Variants in BCL2 observed in about 807,000 individuals in gnomAD.
The protein encoded by BCL2 is BCL2 apoptosis regulator, also known as apoptosis regulator Bcl-2.
Under a neutral mutation model 14.2 loss-of-function variants are expected in BCL2, and 1 was observed. The observed-to-expected ratio is 0.07, with a 90% CI of 0.02 to 0.33. The LOEUF (loss-of-function observed/expected upper bound fraction) is 0.33, where lower values mean the gene tolerates loss of function less well. Ranked by LOEUF, BCL2 falls within the 10% of genes least tolerant of loss-of-function variation. The probability of loss-of-function intolerance (pLI) is 0.99; values close to 1 mark genes in which losing one functional copy is unlikely to be tolerated. For synonymous variants in BCL2, 151 were observed against 137.2 expected, an observed-to-expected ratio of 1.10 and a Z score of -0.70; for missense variants, 247 against 305.9, an observed-to-expected ratio of 0.81 and a Z score of 1.44.
At chr18:63,238,059 T>G (rs1332019690) in intron 2 of BCL2, among the ~76,000 whole-genome samples, 1 of 152,176 alleles carries the variant, frequency 6.6e-6, no homozygotes, top group Non-Finnish European at 1.5e-5. Flanking sequence ...GCAATCACTT[T>G]CTTATTCGGT....
chr18:63,266,835 G>A (rs1281924001), intron 2 of BCL2, among the ~76,000 whole-genome samples: 1 of 152,096 alleles, frequency 6.6e-6, no homozygotes, highest in African/African-American at 2.4e-5. Context: ...CTAAAGTTTG[G>A]AGAAGTAAAG....
chr18:63,139,482 T>C (rs1428909319), intron 2 of BCL2, among the ~76,000 whole-genome samples: 1 of 152,220 alleles, frequency 6.6e-6, no homozygotes, highest in Non-Finnish European at 1.5e-5. Flanking sequence ...CCCTGCCCTA[T>C]AGTAACTGCT....
At chr18:63,264,900 C>A (rs546636906) in intron 2 of BCL2, among the ~76,000 whole-genome samples, 2 of 114 alleles carry the variant, frequency 0.018, no homozygotes, top group African/African-American at 0.067. Flanking sequence ...CAAGTCCTCT[C>A]GGGATGAGGC....
intron 2 of BCL2, among the ~76,000 whole-genome samples, chr18:63,186,375 T>C (rs1390051580): frequency 6.6e-6 from 1 of 152,272 alleles, no homozygotes; most frequent in African/African-American, 2.4e-5. Context: ...AATCTATGGG[T>C]ATTACTGACT....
At chr18:63,250,650 T>C (rs1350360220) in intron 2 of BCL2, among the ~76,000 whole-genome samples, 2 of 152,270 alleles carry the variant, frequency 1.3e-5, no homozygotes, top group African/African-American at 4.8e-5. Context: ...CATCTTTCCA[T>C]ATTTGCATCT....
At chr18:63,232,031 G>A (rs1484663369) in intron 2 of BCL2, among the ~76,000 whole-genome samples, 9 of 151,914 alleles carry the variant, frequency 5.9e-5, no homozygotes, top group Admixed American at 5.2e-4. Context: ...TGGGAATTTG[G>A]TATGTGACAG....
intron 2 of BCL2, chr18:63,316,620 C>A (rs1913505056): frequency 6.6e-6 from 1 of 152,148 alleles, no homozygotes; most frequent in Non-Finnish European, 1.5e-5. Context: ...GTTAATCTTA[C>A]TTTTAAACAC....
intron 2 of BCL2, among the ~76,000 whole-genome samples, chr18:63,306,290 G>A (rs370049025): frequency 2.6e-5 from 4 of 152,124 alleles, no homozygotes; most frequent in South Asian, 4.1e-4. Flanking sequence ...ATTTCTTGCC[G>A]TTCCCACTAC....
At chr18:63,242,872 G>C (rs1051103634) in intron 2 of BCL2, among the ~76,000 whole-genome samples, 4 of 152,160 alleles carry the variant, frequency 2.6e-5, no homozygotes, top group Non-Finnish European at 5.9e-5. Context: ...TTTGAAAGAG[G>C]GATCAGGTGG....
At chr18:63,268,648 A>G (rs1911910029) in intron 2 of BCL2, among the ~76,000 whole-genome samples, 1 of 152,236 alleles carries the variant, frequency 6.6e-6, no homozygotes, top group Non-Finnish European at 1.5e-5. Context: ...TTAACAATTC[A>G]AAATTGCCAT....
chr18:63,318,037 G>A lies in BCL2; in HGVS notation c.585+45C>T, dbSNP rs1220102840. The A allele has an allele frequency of 6.3e-7, 1 of 1,597,818 alleles. No individual in the cohort carries two copies. The highest frequency in any genetic ancestry group is 1.7e-5 in the Admixed American group (1 of 58,970). On this transcript the variant is annotated intron_variant, in intron 2 of 2. Transcript: ENST00000333681. The surrounding 1 kb of genome is among the most constrained non-coding windows in gnomAD (Gnocchi z 7.4). ...ACCCGCACTCCAACCCCCGCATCTC[G>A]GACCTGTGGCCTCAGCCCAGACTCA...
At chr18:63,259,617 A>G (rs184932987) in intron 2 of BCL2, among the ~76,000 whole-genome samples, 3 of 152,342 alleles carry the variant, frequency 2.0e-5, no homozygotes, top group African/African-American at 7.2e-5. Flanking sequence ...TTCCCTGGGT[A>G]ACACCTTCCA....
intron 2 of BCL2, among the ~76,000 whole-genome samples, chr18:63,291,379 T>C (rs1380259409): frequency 2.0e-5 from 3 of 152,228 alleles, no homozygotes; most frequent in Non-Finnish European, 4.4e-5. Flanking sequence ...TTGCAAAAAG[T>C]TATCACTCTT....
chr18:63,196,883 T>C (rs2144657412), intron 2 of BCL2, among the ~76,000 whole-genome samples: 1 of 152,320 alleles, frequency 6.6e-6, no homozygotes, highest in East Asian at 1.9e-4. Flanking sequence ...ATTTCTCAGA[T>C]TTCTTAACTC....
chr18:63,246,593 G>C (rs928190483), intron 2 of BCL2, among the ~76,000 whole-genome samples: 1 of 151,916 alleles, frequency 6.6e-6, no homozygotes, highest in Non-Finnish European at 1.5e-5. Flanking sequence ...CATCCTACCC[G>C]CTCCCTCCCA....
chr18:63,177,297 G>A (rs1915373192), intron 2 of BCL2, among the ~76,000 whole-genome samples: 1 of 152,152 alleles, frequency 6.6e-6, no homozygotes. Flanking sequence ...CTGAGGACAG[G>A]GGAAGAGTTC....
chr18:63,212,404 C>T (rs575766649), intron 2 of BCL2, among the ~76,000 whole-genome samples: 1 of 151,614 alleles, frequency 6.6e-6, no homozygotes, highest in East Asian at 1.9e-4. Flanking sequence ...TCCAAGTTTC[C>T]TTTAAAGAAG....
intron 2 of BCL2, among the ~76,000 whole-genome samples, chr18:63,193,231 A>G (rs1909336119): frequency 6.6e-6 from 1 of 152,224 alleles, no homozygotes; most frequent in African/African-American, 2.4e-5. Flanking sequence ...CAAAAATGAT[A>G]AGGAGAACAT....
intron 2 of BCL2, among the ~76,000 whole-genome samples, chr18:63,268,644 A>G (rs966983449): frequency 4.6e-5 from 7 of 152,230 alleles, no homozygotes; most frequent in Non-Finnish European, 7.3e-5. Flanking sequence ...TACTTTAACA[A>G]TTCAAAATTG....
Sources: allele counts gnomAD v4.1 joint callset (sites outside exome capture counted in the v4.1 genomes callset), GRCh38; gene constraint gnomAD v4.1.1; non-coding constraint Gnocchi (gnomAD v3.1); transcripts MANE v1.5; gene names NCBI Gene and HGNC (gene_info 2026-07-23, HGNC 2026-07-21).